Variants in INTS11 observed in about 807,000 individuals in gnomAD.
INTS11 encodes the protein integrator complex subunit 11.
A neutral mutation model predicts 78.6 loss-of-function variants in INTS11; 77 were observed. The observed-to-expected ratio is 0.98, with a 90% confidence interval of 0.81 to 1.18. The LOEUF (loss-of-function observed/expected upper bound fraction) is 1.18, where lower values mean the gene tolerates loss of function less well. Among genes scored for constraint, INTS11 ranks in the 50% most tolerant of loss-of-function variants. The pLI, the probability that INTS11 is intolerant of heterozygous loss-of-function variation, is 0.00. For synonymous variants in INTS11, 441 were observed against 326.9 expected (o/e 1.35, Z -3.77); for missense variants, 875 against 825.9 (o/e 1.06, Z -0.73).
chr1:1,315,109 G>A, intron 6 of INTS11, 147 bp from the exon 7 acceptor site: 1 of 1,028,338 alleles, frequency 9.7e-7, no homozygotes, highest in Non-Finnish European at 1.4e-6. Context: ...AATGCTGTGG[G>A]CAGCACACTT....
chr1:1,319,086 T>G (rs1261598977), intron 4 of INTS11: 2 of 732,060 alleles, frequency 2.7e-6, no homozygotes, highest in East Asian at 2.6e-5. Flanking sequence ...ACCCTGCACG[T>G]GCTCTCCCGG....
Position 1,313,731 on chromosome 1 carries a change from C to G in INTS11, c.957+1G>C. 6.2e-7 allele frequency: 1 copy of G among 1,611,554 alleles called. No homozygotes were observed. The highest frequency in any genetic ancestry group is 1.3e-5 in the African/African-American group (1 of 75,058). On this transcript the variant is annotated splice_donor_variant, in intron 9 of 16. Coordinates refer to ENST00000435064, the MANE Select transcript of INTS11 (RefSeq NM_017871.6). LOFTEE classifies it high-confidence loss of function. ...CTGGCCGGCCCTGCCGCGGGCCTCACCATCGGTCCTGGGTTGTCAGCAAAA... is the reference window on the plus strand; with the variant it reads ...CTGGCCGGCCCTGCCGCGGGCCTCAGCATCGGTCCTGGGTTGTCAGCAAAA...
Position 1,319,541 on chromosome 1 carries a change from C to T in INTS11, c.201-17G>A. 6.5e-7 allele frequency: 1 copy of T among 1,544,704 alleles called. No homozygotes were observed. Among genetic ancestry groups the T allele is most frequent in the Admixed American group, 1.7e-5 (1 of 57,368 alleles). On this transcript the variant is annotated splice_polypyrimidine_tract_variant and intron_variant, in intron 3 of 16. Coordinates refer to ENST00000435064, the MANE Select transcript of INTS11 (RefSeq NM_017871.6). Reference sequence around the variant, plus strand: ...TGGAAGTGGCTAGGGGGACGCAGCACAGGTCAGCCTGGGCCCACCCTGCCC... The same window carrying T: ...TGGAAGTGGCTAGGGGGACGCAGCATAGGTCAGCCTGGGCCCACCCTGCCC...
chr1:1,324,163 G>GGGGGCTGGGGGGCTGA (rs1643177621), intron 1 of INTS11, among the ~76,000 whole-genome samples: 1 of 63,706 alleles, frequency 1.6e-5, no homozygotes, highest in Admixed American at 1.5e-4. Flanking sequence ...TGAGGGGCTG[G>GGGGGCTGGGGGGCTGA]GGGGCTGAGG....
Position 1,319,526 on chromosome 1 carries a change from TA to T in INTS11, c.201-3del, listed in dbSNP as rs1642821662. The T allele has an allele frequency of 6.4e-7, 1 of 1,567,370 alleles. No individual in the cohort carries two copies. The highest frequency in any genetic ancestry group is 1.3e-5 in the African/African-American group (1 of 74,398). On this transcript the variant is annotated splice_polypyrimidine_tract_variant and splice_region_variant and intron_variant, in intron 3 of 16. Coordinates refer to ENST00000435064, the MANE Select transcript of INTS11 (RefSeq NM_017871.6). ...CCGCAGTGGTCCAGGTGGAAGTGGC[TA>T]GGGGGACGCAGCACAGGTCAGCCTG...
rs772441102 is a variant in INTS11, at chr1:1,320,525, C to G, written c.131G>C (p.Arg44Pro). Residue 44 changes from arginine to proline, a missense_variant, in exon 3 of 17, where the codon CGC (arginine) becomes CCC (proline). Arg to Pro is a moderately radical substitution (Grantham distance 103). Coordinates refer to ENST00000435064, the MANE Select transcript of INTS11 (RefSeq NM_017871.6). ...GMHMGFNDDR[R>P]FPDFSYITQN... ...GGTGATGTAGGAGAAGTCAGGGAAG[C>G]GTCGCTAGGAAGGATGTGGGGGTTT... The G allele has an allele frequency of 5.6e-6, 9 of 1,613,838 alleles. No homozygotes were observed. The highest frequency in any genetic ancestry group is 6.8e-6 in the Non-Finnish European group (8 of 1,179,902).
intron 1 of INTS11, chr1:1,323,075 G>A: frequency 6.8e-7 from 1 of 1,480,956 alleles, no homozygotes; most frequent in Non-Finnish European, 9.1e-7. Context: ...GGGCAGTGGG[G>A]CCCATGCAAA....
At position 1,311,734 on chromosome 1, in the gene INTS11, CCT is replaced by C. The variant is rs2100550843; in HGVS notation, c.*123_*124del. Reference sequence around the variant, plus strand: ...GCCTGGGCAGGCAGGTGACACAAGGCCTCTGTCCCCAGGGATGGGACCTGCAG... The same window carrying C: ...GCCTGGGCAGGCAGGTGACACAAGGCCTGTCCCCAGGGATGGGACCTGCAG... On this transcript the variant is annotated 3_prime_UTR_variant, in exon 17 of 17. Coordinates refer to ENST00000435064, the MANE Select transcript of INTS11 (RefSeq NM_017871.6). The C allele has an allele frequency of 1.0e-6, 1 of 985,058 alleles. No individual in the cohort carries two copies. Among genetic ancestry groups the C allele is most frequent in the Non-Finnish European group, 1.5e-6 (1 of 648,818 alleles). 61.0% of individuals were successfully genotyped at this position (985,058 alleles called of 1,614,324 possible). A position where few individuals can be genotyped will look rare whatever the true frequency, so the allele number is the denominator to read the frequency against.
At chr1:1,315,257 G>A in intron 6 of INTS11, 147 bp downstream of exon 6, 1 of 985,072 alleles carries the variant, frequency 1.0e-6, no homozygotes, top group Non-Finnish European at 1.6e-6. Flanking sequence ...CGCGCATTTG[G>A]GCCCAGAACG....
chr1:1,319,302 C>T lies in INTS11; in HGVS notation c.423G>A (p.Thr141=), dbSNP rs771545695. The change falls in exon 4 of 17, where the codon ACG becomes ACA. Residue 141 remains threonine, a synonymous_variant. Transcript: ENST00000435064. ...KKVVAVHLHQ[T]VQVDDELEIK... ...GTGGCCCTGGGAACCTGACCTGGAC[C>T]GTCTGGTGGAGGTGGACAGCCACCA... 10 of 1,612,212 alleles carry T rather than the reference C, an allele frequency of 6.2e-6. No homozygotes were observed. The highest frequency in any genetic ancestry group is 4.5e-5 in the East Asian group (2 of 44,876).
intron 2 of INTS11, 92 bp from the exon 3 acceptor site, chr1:1,320,621 G>A (rs775272311): frequency 2.7e-5 from 35 of 1,279,660 alleles, no homozygotes; most frequent in Non-Finnish European, 3.9e-5. Context: ...CCAGGAAGGG[G>A]GGTTCTATGT....
rs773383662 is a variant in INTS11 at position 1,320,529 on chromosome 1, G to T, written c.127C>A (p.Arg43=). The change falls in exon 3 of 17, where the codon CGA becomes AGA. Residue 43 remains arginine (R), a splice_region_variant and synonymous_variant. Transcript: ENST00000435064. ...ATGTAGGAGAAGTCAGGGAAGCGTC[G>T]CTAGGAAGGATGTGGGGGTTTCAGG... ...CGMHMGFNDD[R]RFPDFSYITQ... 1 of 1,613,826 alleles carries T rather than the reference G, an allele frequency of 6.2e-7. No individual in the cohort carries two copies. The highest frequency in any genetic ancestry group is 1.1e-5 in the South Asian group (1 of 91,082).
Position 1,312,613 on chromosome 1 carries a change from A to T in INTS11, c.1382T>A (p.Leu461Gln). The T allele has an allele frequency of 6.3e-7, 1 of 1,576,238 alleles. No homozygotes were observed. The highest frequency in any genetic ancestry group is 1.3e-5 in the African/African-American group (1 of 74,152). ...CATACCCTGCGCCATCTCCCGCTTC[A>T]GCAGCCCCAGCGAGATGCCTACGGG... The part of the protein sequence containing the change: ...SIPVGISLGL[L>Q]KREMAQGLLP... The change falls in exon 13 of 17, where the codon CTG (leucine) becomes CAG (glutamine). Residue 461 changes from leucine to glutamine, a missense_variant. Physicochemically the swap from Leu to Gln is moderately radical, Grantham distance 113. Transcript: ENST00000435064.
chr1:1,315,232 T>C (rs1446820374), intron 6 of INTS11, 172 bp downstream of exon 6: 4 of 824,748 alleles, frequency 4.8e-6, no homozygotes, highest in Non-Finnish European at 7.8e-6. Context: ...GGCCCCTGCC[T>C]GGACCCTGTG....
In INTS11 at chr1:1,320,980, T is replaced by G; in HGVS notation, c.126+16A>C. On this transcript the variant is annotated intron_variant, in intron 2 of 16. Coordinates refer to ENST00000435064, the MANE Select transcript of INTS11 (RefSeq NM_017871.6). ...CGGCTCTCCCAGCCTCTGGGCCTCC[T>G]GCCCAAGGGACTCACGTCGTCATTG... 1.2e-6 allele frequency: 2 copies of G among 1,608,494 alleles called. No homozygotes were observed. The highest frequency in any genetic ancestry group is 1.7e-6 in the Non-Finnish European group (2 of 1,175,844).
intron 15 of INTS11, 27 bp downstream of exon 15, chr1:1,312,198 TG>T (rs70949570): frequency 0.033 from 35,757 of 1,079,912 alleles, 1,915 homozygotes; most frequent in African/African-American, 0.16. Flanking sequence ...CCCAAGGGAG[TG>T]GGGGGGGGGC....
chr1:1,320,701 G>A, intron 2 of INTS11, 172 bp from the exon 3 acceptor site: 1 of 759,832 alleles, frequency 1.3e-6, no homozygotes, highest in Non-Finnish European at 2.4e-6. Flanking sequence ...AGCATCCGGA[G>A]GGGCCGAGGT....
intron 4 of INTS11, chr1:1,318,790 C>A: frequency 1.8e-6 from 1 of 555,084 alleles, no homozygotes; most frequent in South Asian, 2.6e-5. Flanking sequence ...CCCAGAGATT[C>A]GAGTGAGACA....
chr1:1,314,566 C>G lies in INTS11; in HGVS notation c.703-201G>C. The G allele has an allele frequency of 1.6e-6, 1 of 632,142 alleles. No homozygotes were observed. The highest frequency in any genetic ancestry group is 2.7e-6 in the Non-Finnish European group (1 of 366,886). 39.2% of individuals were successfully genotyped at this position (632,142 alleles called of 1,614,324 possible). On this transcript the variant is annotated intron_variant, in intron 7 of 16. Transcript: ENST00000435064. The surrounding 1 kb of genome is among the most constrained non-coding windows in gnomAD (Gnocchi z 4.2). ...AGACAGGAGGGAGCCGCATGAGAGA[C>G]AGAAGGGAGCTGCATGAGAGACAGA...
Sources: allele counts gnomAD v4.1 joint callset (sites outside exome capture counted in the v4.1 genomes callset), GRCh38; gene constraint gnomAD v4.1.1; non-coding constraint Gnocchi (gnomAD v3.1); transcripts MANE v1.5; gene names NCBI Gene and HGNC (gene_info 2026-07-23, HGNC 2026-07-21).